GIGYF2: variants seen among roughly 807,000 people sequenced by gnomAD.
GIGYF2 encodes GRB10-interacting GYF protein 2.
GIGYF2 carries 25 observed loss-of-function variants against 208.1 expected under a neutral mutation model. That is an observed-to-expected ratio of 0.12 (90% confidence interval 0.09 to 0.17). The LOEUF (loss-of-function observed/expected upper bound fraction) is 0.17. Ranked by LOEUF, GIGYF2 falls within the 10% of genes least tolerant of loss-of-function variation. GIGYF2 has a pLI of 1.00. For missense variants in GIGYF2, 1,302 were observed against 1,579.4 expected (o/e 0.82, Z 2.98); for synonymous variants, 534 against 543.8 (o/e 0.98, Z 0.25).
At chr2:232,800,040 T>C (rs936422419) in intron 14 of GIGYF2, among the ~76,000 whole-genome samples, 11 of 152,106 alleles carry the variant, frequency 7.2e-5, no homozygotes, top group East Asian at 1.9e-4. Flanking sequence ...TTATAAGATA[T>C]ATGATTTGTA....
At chr2:232,730,764 G>A (rs1207171863) in intron 2 of GIGYF2, among the ~76,000 whole-genome samples, 3 of 147,632 alleles carry the variant, frequency 2.0e-5, no homozygotes, top group Non-Finnish European at 4.5e-5. Flanking sequence ...CGGGCGTAGT[G>A]GCGGGCGCCT....
At chr2:232,825,529 G>A (rs1193979794) in intron 21 of GIGYF2, among the ~76,000 whole-genome samples, 3 of 152,150 alleles carry the variant, frequency 2.0e-5, no homozygotes, top group African/African-American at 7.2e-5. Context: ...TAATCTCATG[G>A]TAAAGTTTGA....
intron 8 of GIGYF2, among the ~76,000 whole-genome samples, chr2:232,786,204 G>A (rs1444190212): frequency 1.3e-5 from 2 of 152,110 alleles, no homozygotes; most frequent in Non-Finnish European, 2.9e-5. Context: ...TGCCTGTATT[G>A]TATTAGGTGC....
chr2:232,769,285 C>G lies in GIGYF2; in HGVS notation c.532+7849C>G, dbSNP rs184771051. On this transcript the variant is annotated intron_variant, in intron 8 of 28. Transcript: ENST00000373563. ...GTGTCTCACGCCTGTAATCCCGGCA[C>G]TTTGGGAGCCCGAGGCGGGCGGGTC... Among the ~76,000 whole-genome samples, 39 of 152,154 alleles carry G rather than the reference C, an allele frequency of 2.6e-4. No homozygotes were observed. The East Asian group carries it at 5.4e-3, about 21-fold the overall frequency.
intron 12 of GIGYF2, among the ~76,000 whole-genome samples, chr2:232,792,127 A>G (rs1471111708): frequency 6.6e-6 from 1 of 152,188 alleles, no homozygotes; most frequent in African/African-American, 2.4e-5. Context: ...TTTCATTGCC[A>G]GCCTCTTTAC....
intron 3 of GIGYF2, among the ~76,000 whole-genome samples, chr2:232,738,527 T>C (rs911834157): frequency 2.0e-5 from 3 of 152,212 alleles, no homozygotes; most frequent in African/African-American, 4.8e-5. Flanking sequence ...ACATATTTAT[T>C]TTATTGTCTA....
intron 1 of GIGYF2, among the ~76,000 whole-genome samples, 183 bp from the exon 2 acceptor site, chr2:232,703,241 G>A (rs1428211975): frequency 6.6e-6 from 1 of 152,200 alleles, no homozygotes; most frequent in East Asian, 1.9e-4. Context: ...CAGTCCCACT[G>A]TAGAACTACT....
intron 16 of GIGYF2, chr2:232,811,034 C>CA (rs1700718868): frequency 1.9e-6 from 1 of 514,776 alleles, no homozygotes; most frequent in African/African-American, 1.9e-5. Context: ...CACTCGGAAA[C>CA]ACGCCATCTA....
rs375286613 is a variant in GIGYF2 at position 232,856,780 on chromosome 2, T to G, written c.3833-13T>G. On this transcript the variant is annotated splice_polypyrimidine_tract_variant and intron_variant, in intron 28 of 28. Transcript: ENST00000373563. The stretch of plus-strand genomic sequence containing the variant: ...CTGGGTGTGGTCACTCATAGCCAGT[T>G]TTTTTTCTGCAGGATTTTCAGTCAA... 1 of 1,606,898 alleles carries G rather than the reference T, an allele frequency of 6.2e-7. No individual in the cohort carries two copies. The highest frequency in any genetic ancestry group is 8.5e-7 in the Non-Finnish European group (1 of 1,173,386).
At chr2:232,849,227 C>T (rs536851413) in intron 27 of GIGYF2, among the ~76,000 whole-genome samples, 123 of 152,172 alleles carry the variant, frequency 8.1e-4, no homozygotes, top group African/African-American at 2.8e-3. Flanking sequence ...TGCAGTAGCG[C>T]GATCTCAGCT....
chr2:232,847,517 A>ACAG lies in GIGYF2; in HGVS notation c.3647_3649dup (p.Gln1216dup), dbSNP rs376678075. 429 of 415,940 alleles carry ACAG rather than the reference A, an allele frequency of 1.0e-3. 1 individual carries two copies. In the Middle Eastern group the frequency reaches 0.012, roughly 11 times the overall value. The allele number at this position is 415,940 out of a possible 1,614,324, so 25.8% of individuals were successfully genotyped here. On this transcript the variant is annotated inframe_insertion, in exon 27 of 29. Transcript: ENST00000373563. ...AGCAGCGTCAGCAGCAGCAGCTGCC[A>ACAG]CAGCAGCAGCAGCAGCAGCCGCCAC... is the stretch of plus-strand genomic sequence containing the variant.
chr2:232,780,317 T>C (rs1699670386), intron 8 of GIGYF2, among the ~76,000 whole-genome samples: 1 of 152,218 alleles, frequency 6.6e-6, no homozygotes. Context: ...AAACTAAGAT[T>C]GAAACAACCA....
intron 3 of GIGYF2, 94 bp downstream of exon 3, chr2:232,735,332 T>G (rs1697688727): frequency 6.9e-6 from 6 of 863,452 alleles, no homozygotes; most frequent in Non-Finnish European, 7.7e-6. Flanking sequence ...AATGTGCATG[T>G]TTTTGAAACT....
intron 8 of GIGYF2, among the ~76,000 whole-genome samples, chr2:232,778,790 A>G (rs934570478): frequency 5.3e-5 from 8 of 152,142 alleles, no homozygotes; most frequent in Non-Finnish European, 1.2e-4. Flanking sequence ...TGGGAAAATG[A>G]GGGGAGGAAA....
At chr2:232,723,138 T>G (rs567334192) in intron 2 of GIGYF2, among the ~76,000 whole-genome samples, 1 of 152,118 alleles carries the variant, frequency 6.6e-6, no homozygotes, top group African/African-American at 2.4e-5. Flanking sequence ...TAAATTCCCC[T>G]ACCCCCTTCA....
At chr2:232,835,931 TC>T (rs1701575090) in intron 22 of GIGYF2, among the ~76,000 whole-genome samples, 1 of 150,362 alleles carries the variant, frequency 6.7e-6, no homozygotes, top group South Asian at 2.2e-4. Flanking sequence ...GAGATAACTC[TC>T]GGATTACAGT....
chr2:232,726,354 G>A (rs1481824624), intron 2 of GIGYF2, among the ~76,000 whole-genome samples: 1 of 136,002 alleles, frequency 7.4e-6, no homozygotes, highest in Non-Finnish European at 1.5e-5. Context: ...CAGTGACAGA[G>A]CAAGGCTCTG....
chr2:232,807,591 G>A (rs1333924798), intron 15 of GIGYF2, among the ~76,000 whole-genome samples: 1 of 152,208 alleles, frequency 6.6e-6, no homozygotes, highest in Non-Finnish European at 1.5e-5. Context: ...CTGGGGTACT[G>A]TTGGCAGGGA....
intron 25 of GIGYF2, among the ~76,000 whole-genome samples, chr2:232,845,378 A>G (rs887526662): frequency 1.3e-5 from 2 of 152,202 alleles, no homozygotes; most frequent in African/African-American, 4.8e-5. Context: ...AGGCCTTTTC[A>G]TAGAACATCT....
Sources: gnomAD v4.1 joint callset for allele counts (sites outside exome capture counted in the v4.1 genomes callset) on GRCh38, gnomAD v4.1.1 for gene constraint, MANE v1.5 for transcripts, NCBI Gene and HGNC (gene_info 2026-07-23, HGNC 2026-07-21) for gene names.